EFTUD2: variants seen among roughly 807,000 people sequenced by gnomAD.
EFTUD2 encodes the protein 116 kDa U5 small nuclear ribonucleoprotein component.
EFTUD2 carries 9 observed loss-of-function variants against 114.3 expected under a neutral mutation model. That is an observed-to-expected ratio of 0.08 (90% confidence interval 0.05 to 0.14). The LOEUF is 0.14. EFTUD2 is among the 10% of genes least tolerant of loss of function. The probability of loss-of-function intolerance (pLI) is 1.00; values close to 1 mark genes in which losing one functional copy is unlikely to be tolerated. For synonymous variants in EFTUD2, 449 were observed against 462.3 expected, an observed-to-expected ratio of 0.97 and a Z score of 0.37; for missense variants, 765 against 1,241.2, an observed-to-expected ratio of 0.62 and a Z score of 5.76.
At chr17:44,859,034 GAA>G (rs760687087) in intron 19 of EFTUD2, 44 bp downstream of exon 19, 6 of 1,285,832 alleles carry the variant, frequency 4.7e-6, no homozygotes, top group Non-Finnish European at 4.5e-6. Flanking sequence ...GGTCACTTGT[GAA>G]AAGTCTGGAC....
Position 44,883,051 on chromosome 17 carries a change from C to T in EFTUD2, c.492+42G>A, listed in dbSNP as rs190513347. 24 of 1,599,736 alleles carry T rather than the reference C, an allele frequency of 1.5e-5. No homozygotes were observed. The East Asian group carries it at 4.7e-4, about 31-fold the overall frequency. ...GAGGAGAGAGACATCTCTATCTGTT[C>T]TGAATGGTTCATCCTAAACCCTCAA... On this transcript the variant is annotated intron_variant, in intron 6 of 27. Transcript: ENST00000426333.
chr17:44,885,051 G>C (rs912463377), intron 4 of EFTUD2, among the ~76,000 whole-genome samples: 1 of 152,168 alleles, frequency 6.6e-6, no homozygotes, highest in Non-Finnish European at 1.5e-5. Flanking sequence ...TCTGGAAGAG[G>C]AAACAGCTAA....
chr17:44,893,030 T>G (rs547114594), intron 2 of EFTUD2, among the ~76,000 whole-genome samples: 2 of 152,264 alleles, frequency 1.3e-5, no homozygotes, highest in Non-Finnish European at 2.9e-5. Flanking sequence ...GTCCACAGCA[T>G]GCCCCTGACC....
In EFTUD2 at chr17:44,876,020, G is replaced by A. The variant is rs775439469; in HGVS notation, c.783C>T (p.Asp261=). Residue 261 remains aspartate, a synonymous_variant, in exon 10 of 28, where the codon GAC becomes GAT. Coordinates refer to ENST00000426333, the MANE Select transcript of EFTUD2 (RefSeq NM_004247.4). ...LAVTVCINKI[D]RLILELKLPP... ...GCAGCTTCAGCTCCAGGATCAGCCG[G>A]TCAATCTTGTTGATGCACACAGTGA... The A allele has an allele frequency of 1.2e-6, 2 of 1,614,036 alleles. No individual in the cohort carries two copies. The highest frequency in any genetic ancestry group is 1.1e-5 in the South Asian group (1 of 91,074).
rs927374103 is a variant in EFTUD2, at chr17:44,854,354, C to T, written c.2262G>A (p.Val754=). ...TCACTGAACCAAGAAGAGCCTTGTC[C>T]ACCTATAGAGAAACATGAGGCCTCC... ...ILVDDTLPSE[V]DKALLGSVKD... The change falls in exon 23 of 28, where the codon GTG becomes GTA. Residue 754 remains valine (V), a splice_region_variant and synonymous_variant. Coordinates refer to ENST00000426333, the MANE Select transcript of EFTUD2 (RefSeq NM_004247.4). The surrounding 1 kb of genome is among the most constrained non-coding windows in gnomAD (Gnocchi z 4.3). 2 of 1,613,322 alleles carry T rather than the reference C, an allele frequency of 1.2e-6. No individual in the cohort carries two copies. The highest frequency in any genetic ancestry group is 1.7e-5 in the Admixed American group (1 of 59,836).
intron 4 of EFTUD2, chr17:44,884,032 CGAGGTGGGTGGATTACCTG>C: frequency 1.2e-5 from 4 of 320,372 alleles, no homozygotes; most frequent in South Asian, 6.8e-5. Flanking sequence ...TTTGGGAGGC[CGAGGTGGGTGGATTACCTG>C]AGGTCAGGAG....
chr17:44,889,761 G>C (rs1174366730), intron 2 of EFTUD2, among the ~76,000 whole-genome samples: 1 of 152,150 alleles, frequency 6.6e-6, no homozygotes, highest in Non-Finnish European at 1.5e-5. Context: ...TTCTACTAAA[G>C]TGGCCTAAGA....
At chr17:44,855,422 G>A (rs2050531765) in intron 20 of EFTUD2, among the ~76,000 whole-genome samples, 1 of 152,126 alleles carries the variant, frequency 6.6e-6, no homozygotes, top group Non-Finnish European at 1.5e-5. Context: ...TTAGCTGGGC[G>A]TGGTGGCGTG....
At position 44,851,444 on chromosome 17, in the gene EFTUD2, G is replaced by A. The variant is rs139096893; in HGVS notation, c.2824-75C>T. 3.1e-4 allele frequency: 385 copies of A among 1,251,172 alleles called. 3 individuals carry two copies. The African/African-American group carries it at 5.2e-3, about 17-fold the overall frequency. The allele number at this position is 1,251,172 out of a possible 1,614,324, so 77.5% of individuals were successfully genotyped here. Reference sequence around the variant, plus strand: ...AGCAAGGAGACTATCCAAGACCTGTGTTCAGTGGGGAGGCTAGTGGTGGCT... The same window carrying A: ...AGCAAGGAGACTATCCAAGACCTGTATTCAGTGGGGAGGCTAGTGGTGGCT... On this transcript the variant is annotated intron_variant, in intron 27 of 27. Transcript: ENST00000426333.
intron 2 of EFTUD2, among the ~76,000 whole-genome samples, chr17:44,893,726 AAC>A (rs1488706501): frequency 7.3e-6 from 1 of 136,144 alleles, no homozygotes; most frequent in Non-Finnish European, 1.5e-5. Flanking sequence ...GTATCACTGG[AAC>A]ACAGAGGATT....
intron 9 of EFTUD2, 132 bp downstream of exon 9, chr17:44,879,424 G>A: frequency 1.2e-6 from 1 of 863,566 alleles, no homozygotes; most frequent in Non-Finnish European, 1.8e-6. Flanking sequence ...TAATTTTAGA[G>A]CAAATTTGAG....
intron 11 of EFTUD2, among the ~76,000 whole-genome samples, chr17:44,869,192 C>T (rs1206311283): frequency 6.6e-6 from 1 of 152,206 alleles, no homozygotes; most frequent in Admixed American, 6.5e-5. Flanking sequence ...CTGTTAATTA[C>T]CAAATTCTCC....
chr17:44,883,016 GT>G, intron 6 of EFTUD2, 76 bp downstream of exon 6: 1 of 1,430,200 alleles, frequency 7.0e-7, no homozygotes, highest in Non-Finnish European at 9.7e-7. Flanking sequence ...AACAGGAAGG[GT>G]GAAGGAAGGA....
chr17:44,856,416 G>A (rs1389731847), intron 20 of EFTUD2, among the ~76,000 whole-genome samples: 1 of 151,928 alleles, frequency 6.6e-6, no homozygotes. Context: ...TGTAATCCCT[G>A]CTACTGGGGA....
At chr17:44,873,787 C>T (rs757925166) in intron 10 of EFTUD2, among the ~76,000 whole-genome samples, 1 of 149,374 alleles carries the variant, frequency 6.7e-6, no homozygotes, top group African/African-American at 2.5e-5. Flanking sequence ...GCTGGAGTGC[C>T]GTGGTGCAAT....
intron 14 of EFTUD2, chr17:44,864,045 A>G: frequency 3.0e-6 from 1 of 330,870 alleles, no homozygotes; most frequent in Middle Eastern, 8.6e-4. Flanking sequence ...CAAAAAGTTT[A>G]AAGTACATCG....
intron 10 of EFTUD2, 118 bp downstream of exon 10, chr17:44,875,816 T>C (rs1036246504): frequency 7.7e-7 from 1 of 1,291,316 alleles, no homozygotes; most frequent in Non-Finnish European, 1.1e-6. Flanking sequence ...GCCTCTAGTT[T>C]TGCCCAACAA....
Position 44,860,012 on chromosome 17 carries a change from T to C in EFTUD2, c.1753A>G (p.Thr585Ala), listed in dbSNP as rs1376807915. The change falls in exon 18 of 28, where the codon ACA becomes GCA. Residue 585 changes from threonine to alanine, a missense_variant. Around this residue, in one of 6 missense-constraint regions of EFTUD2, gnomAD observed 149 missense variants for 245.1 expected, o/e 0.61. Transcript: ENST00000426333. ...QIFRPLKFNTTSVIKIAVEPV... is the reference protein window; with the variant it reads ...QIFRPLKFNTASVIKIAVEPV... ...TCCACAGCAATCTTGATAACAGATG[T>C]GGTATTGAACTTCAAGGGTCGGAAA... 4 of 1,614,086 alleles carry C rather than the reference T, an allele frequency of 2.5e-6. No individual in the cohort carries two copies. The highest frequency in any genetic ancestry group is 3.4e-6 in the Non-Finnish European group (4 of 1,180,036).
At chr17:44,899,018 C>T (rs1254322599) in intron 1 of EFTUD2, 2 of 152,194 alleles carry the variant, frequency 1.3e-5, no homozygotes, top group Non-Finnish European at 2.9e-5. Context: ...CAGAGGACTT[C>T]GGAGGGAACT....
Sources: allele counts gnomAD v4.1 joint callset (sites outside exome capture counted in the v4.1 genomes callset), GRCh38; gene constraint gnomAD v4.1.1; regional missense constraint gnomAD v4.1.1; non-coding constraint Gnocchi (gnomAD v3.1); transcripts MANE v1.5; gene names NCBI Gene and HGNC (gene_info 2026-07-23, HGNC 2026-07-21).